STXBP5L: variants seen among roughly 807,000 people sequenced by gnomAD.
STXBP5L encodes the protein syntaxin-binding protein 5-like.
STXBP5L carries 65 observed loss-of-function variants against 144.5 expected under a neutral mutation model. That is an observed-to-expected ratio of 0.45 (90% CI 0.37 to 0.55). STXBP5L has a LOEUF of 0.55. Ranked by LOEUF, STXBP5L falls within the 20% of genes least tolerant of loss-of-function variation. STXBP5L has a pLI of 0.00. For synonymous variants in STXBP5L, 505 were observed against 469.6 expected, an observed-to-expected ratio of 1.08 and a Z score of -0.97; for missense variants, 1,298 against 1,405.5, an observed-to-expected ratio of 0.92 and a Z score of 1.22.
chr3:120,997,153 G>T (rs1943417114), intron 3 of STXBP5L, among the ~76,000 whole-genome samples: 1 of 152,036 alleles, frequency 6.6e-6, no homozygotes, highest in African/African-American at 2.4e-5. Context: ...AATTTTCCAT[G>T]GTGTATATGT....
At chr3:121,318,662 T>G (rs1420707934) in intron 20 of STXBP5L, 122 bp downstream of exon 20, 4 of 617,440 alleles carry the variant, frequency 6.5e-6, no homozygotes, top group Non-Finnish European at 1.0e-5. Context: ...TTCCATTCAT[T>G]AAATTTACTG....
At chr3:121,089,022 G>T (rs1281812053) in intron 5 of STXBP5L, among the ~76,000 whole-genome samples, 1 of 100,752 alleles carries the variant, frequency 9.9e-6, no homozygotes, top group Non-Finnish European at 1.8e-5. Flanking sequence ...CAGCACACCA[G>T]CATGGCACAT....
At chr3:120,967,212 C>T (rs116032305) in intron 3 of STXBP5L, among the ~76,000 whole-genome samples, 6,050 of 152,224 alleles carry the variant, frequency 0.04, 167 homozygotes, top group Middle Eastern at 0.082. Context: ...TCACCGCTTC[C>T]CTTGGCTAGG....
intron 22 of STXBP5L, among the ~76,000 whole-genome samples, chr3:121,383,838 G>T (rs1285535950): frequency 6.6e-6 from 1 of 152,044 alleles, no homozygotes; most frequent in Non-Finnish European, 1.5e-5. Flanking sequence ...CTCTGCCCAA[G>T]CTTATGGGAA....
chr3:121,304,156 A>T (rs553255045), intron 19 of STXBP5L, among the ~76,000 whole-genome samples: 1 of 152,326 alleles, frequency 6.6e-6, no homozygotes, highest in African/African-American at 2.4e-5. Context: ...TAAACAGTTC[A>T]AATTAATAAA....
At chr3:121,400,292 T>G (rs1280779314) in intron 22 of STXBP5L, among the ~76,000 whole-genome samples, 1 of 152,134 alleles carries the variant, frequency 6.6e-6, no homozygotes, top group Admixed American at 6.5e-5. Flanking sequence ...CCACTGCTTT[T>G]GGGGCCTGGA....
At chr3:121,279,022 T>G (rs1210955789) in intron 18 of STXBP5L, among the ~76,000 whole-genome samples, 1 of 151,692 alleles carries the variant, frequency 6.6e-6, no homozygotes, top group East Asian at 1.9e-4. Flanking sequence ...GGAACGTACA[T>G]AAAACAAGCA....
intron 22 of STXBP5L, among the ~76,000 whole-genome samples, chr3:121,384,225 T>C (rs2046377417): frequency 6.6e-6 from 1 of 151,848 alleles, no homozygotes. Flanking sequence ...ATAAAGAAAG[T>C]ATAATAATGG....
chr3:121,274,264 C>A (rs545607957), intron 18 of STXBP5L, among the ~76,000 whole-genome samples: 1 of 152,302 alleles, frequency 6.6e-6, no homozygotes, highest in East Asian at 1.9e-4. Context: ...AGGGCACCAG[C>A]TGGATGGGGT....
At chr3:121,351,098 C>T (rs201947977) in intron 20 of STXBP5L, among the ~76,000 whole-genome samples, 1 of 152,096 alleles carries the variant, frequency 6.6e-6, no homozygotes, top group Non-Finnish European at 1.5e-5. Flanking sequence ...TTTTATCAAC[C>T]TTTGGTCTTT....
chr3:121,087,690 G>T (rs534012358), intron 5 of STXBP5L, among the ~76,000 whole-genome samples: 1 of 151,674 alleles, frequency 6.6e-6, no homozygotes, highest in East Asian at 1.9e-4. Flanking sequence ...TAGGGCTTAG[G>T]TTCTCCATTT....
chr3:121,176,539 C>G (rs1250684373), intron 9 of STXBP5L, among the ~76,000 whole-genome samples: 8 of 138,850 alleles, frequency 5.8e-5, no homozygotes, highest in Non-Finnish European at 7.9e-5. Context: ...TCATTTAACA[C>G]TCCCAAAATA....
At chr3:121,154,570 T>C (rs1162280701) in intron 8 of STXBP5L, among the ~76,000 whole-genome samples, 2 of 151,834 alleles carry the variant, frequency 1.3e-5, no homozygotes, top group African/African-American at 4.8e-5. Context: ...ATTGATATTC[T>C]TCAGGATATT....
At chr3:121,371,757 G>T (rs796763433) in intron 20 of STXBP5L, among the ~76,000 whole-genome samples, 1 of 152,300 alleles carries the variant, frequency 6.6e-6, no homozygotes, top group Non-Finnish European at 1.5e-5. Context: ...AGTGGTGGCC[G>T]CCCAGTGCCA....
At chr3:121,184,281 A>G (rs539677572) in intron 9 of STXBP5L, among the ~76,000 whole-genome samples, 1 of 149,164 alleles carries the variant, frequency 6.7e-6, no homozygotes, top group African/African-American at 2.5e-5. Flanking sequence ...CTAAAGGAGC[A>G]TGTTCTAACC....
intron 5 of STXBP5L, among the ~76,000 whole-genome samples, chr3:121,095,475 T>C (rs1370390704): frequency 2.6e-5 from 4 of 152,208 alleles, no homozygotes; most frequent in Non-Finnish European, 4.4e-5. Flanking sequence ...CTTGGAGGCT[T>C]TGTTCATTTC....
chr3:121,116,404 T>C (rs1403081505), intron 6 of STXBP5L, among the ~76,000 whole-genome samples: 2 of 152,106 alleles, frequency 1.3e-5, no homozygotes, highest in African/African-American at 4.8e-5. Context: ...GATACTCCTT[T>C]TGTATTATGT....
At chr3:121,253,135 A>G (rs2050080713) in intron 15 of STXBP5L, among the ~76,000 whole-genome samples, 1 of 152,150 alleles carries the variant, frequency 6.6e-6, no homozygotes, top group African/African-American at 2.4e-5. Context: ...ATAAATAATC[A>G]TAGGAATGAT....
chr3:121,396,891 C>T (rs978773125), intron 22 of STXBP5L, among the ~76,000 whole-genome samples: 2 of 152,184 alleles, frequency 1.3e-5, no homozygotes, highest in Non-Finnish European at 2.9e-5. Context: ...ATAAAGTCAT[C>T]GGTTGTTCAT....
Sources: allele counts gnomAD v4.1 joint callset (sites outside exome capture counted in the v4.1 genomes callset), GRCh38; gene constraint gnomAD v4.1.1; transcripts MANE v1.5; gene names NCBI Gene and HGNC (gene_info 2026-07-23, HGNC 2026-07-21).